The following FANCA variants were observed in gnomAD, a reference collection of about 807,000 sequenced individuals.
FANCA encodes FA complementation group A.
In FANCA, 236 loss-of-function variants were observed where a neutral mutation model predicts 194.3. The observed-to-expected ratio is 1.21, with a 90% CI of 1.09 to 1.35. The LOEUF (loss-of-function observed/expected upper bound fraction) is 1.35, where lower values mean the gene tolerates loss of function less well. Ranked by LOEUF, FANCA falls within the 40% of genes most tolerant of loss-of-function variation. The pLI is 0.00. For missense variants in FANCA, 2,628 were observed against 1,813.9 expected (o/e 1.45, Z -8.15); for synonymous variants, 1,014 against 715.8 (o/e 1.42, Z -6.65).
chr16:89,748,141 G>A (rs778122992), intron 33 of FANCA, among the ~76,000 whole-genome samples: 17 of 152,164 alleles, frequency 1.1e-4, no homozygotes, highest in Non-Finnish European at 2.2e-4. Context: ...CGAACTCCTG[G>A]GCTCAAGTGA....
intron 30 of FANCA, among the ~76,000 whole-genome samples, chr16:89,756,925 C>G (rs1432597818): frequency 6.6e-6 from 1 of 152,218 alleles, no homozygotes; most frequent in Non-Finnish European, 1.5e-5. Flanking sequence ...AAGTCAACCC[C>G]TCAGGGAAAG....
At position 89,771,716 on chromosome 16, in the gene FANCA, T is replaced by C. The variant is rs1253641520; in HGVS notation, c.2113A>G (p.Ser705Gly). The stretch of plus-strand genomic sequence containing the variant: ...GGCTCCAGTCTCGGCGTGTTGATGC[T>C]GAGCTGAATCTTTGATATCTCAACG... ...SSVEISKIQL[S>G]INTPRLEPRE... Residue 705 changes from serine (S) to glycine (G), a missense_variant, in exon 23 of 43, where the codon AGC (serine) becomes GGC (glycine). Physicochemically the swap from Ser to Gly is moderately conservative, Grantham distance 56. Transcript: ENST00000389301. The C allele has an allele frequency of 1.9e-6, 3 of 1,614,098 alleles. No homozygotes were observed. The highest frequency in any genetic ancestry group is 2.5e-6 in the Non-Finnish European group (3 of 1,180,054).
At chr16:89,814,266 C>A (rs977501111) in intron 3 of FANCA, among the ~76,000 whole-genome samples, 1 of 152,176 alleles carries the variant, frequency 6.6e-6, no homozygotes, top group African/African-American at 2.4e-5. Context: ...TGCTATGTCC[C>A]ATGTTTTTCC....
At chr16:89,750,425 G>A (rs1398695153) in intron 31 of FANCA, among the ~76,000 whole-genome samples, 1 of 151,354 alleles carries the variant, frequency 6.6e-6, no homozygotes, top group Non-Finnish European at 1.5e-5. Flanking sequence ...GGAGCTTGCA[G>A]TGAGCCCAGA....
At chr16:89,759,906 T>C (rs530603032) in intron 29 of FANCA, among the ~76,000 whole-genome samples, 79 of 151,506 alleles carry the variant, frequency 5.2e-4, no homozygotes, top group Non-Finnish European at 9.6e-4. Flanking sequence ...TGTCCGGGAC[T>C]GGGGTGCTCC....
rs1307805145 is a variant in FANCA, at chr16:89,769,891, A to T, written c.2450T>A (p.Leu817His). 9.9e-6 allele frequency: 16 copies of T among 1,613,990 alleles called. No homozygotes were observed. Among genetic ancestry groups the T allele is most frequent in the Non-Finnish European group, 1.4e-5 (16 of 1,180,014 alleles). ...APGAGLPVPA[L>H]FDSLLTCRTR... ...CCTACAGGTCAGGAGGCTGTCAAAG[A>T]GCGCAGGGACAGGAAGGCCAGCACC... Residue 817 changes from leucine (L) to histidine (H), a missense_variant, in exon 26 of 43, where the codon CTC becomes CAC. Transcript: ENST00000389301.
intron 13 of FANCA, 164 bp downstream of exon 13, chr16:89,791,763 G>T: frequency 9.8e-7 from 1 of 1,017,362 alleles, no homozygotes; most frequent in Non-Finnish European, 1.5e-6. Context: ...CAGTGCTTAT[G>T]GAAGCGTCTG....
intron 15 of FANCA, 65 bp downstream of exon 15, chr16:89,784,789 C>A: frequency 7.8e-7 from 1 of 1,274,410 alleles, no homozygotes; most frequent in Non-Finnish European, 1.1e-6. Flanking sequence ...GAGGCCAAGG[C>A]AGTCCTCAGA....
intron 29 of FANCA, among the ~76,000 whole-genome samples, chr16:89,759,928 G>C (rs3819569): frequency 0.043 from 6,299 of 145,548 alleles, 260 homozygotes; most frequent in East Asian, 0.17. Context: ...CCCACGCTGT[G>C]CGGGACCTGG....
Position 89,799,083 on chromosome 16 carries a change from G to T in FANCA, c.893+83C>A, listed in dbSNP as rs151064671. 54 of 1,614,212 alleles carry T rather than the reference G, an allele frequency of 3.3e-5. 1 individual carries two copies. Among genetic ancestry groups the T allele is most frequent in the Middle Eastern group, 1.6e-4 (1 of 6,062 alleles). On this transcript the variant is annotated intron_variant, in intron 10 of 42. Coordinates refer to ENST00000389301, the MANE Select transcript of FANCA (RefSeq NM_000135.4). ...TCAGGAGCGGGCTGCTGAAGCTCTG[G>T]AAGTGTTTAAAATATCTTGGCTCTT...
rs768830512 is a variant in FANCA at position 89,767,144 on chromosome 16, T to A, written c.2598A>T (p.Lys866Asn). 6.2e-7 allele frequency: 1 copy of A among 1,609,472 alleles called. No individual in the cohort carries two copies. Among genetic ancestry groups the A allele is most frequent in the South Asian group, 1.1e-5 (1 of 90,978 alleles). The change falls in exon 27 of 43, where the codon AAA becomes AAT. Residue 866 changes from lysine (K) to asparagine (N), a missense_variant. Lys to Asn is a moderately conservative substitution (Grantham distance 94). Coordinates refer to ENST00000389301, the MANE Select transcript of FANCA (RefSeq NM_000135.4). The stretch of plus-strand genomic sequence containing the variant: ...AATAGGAAAAGAGTGAACCTACCTT[T>A]TTAATAAGGCCTGGAGATAAGCAGC... Reference protein sequence around the residue: ...LCSCLSPGLIKKFQFLMFRLF... With the variant: ...LCSCLSPGLINKFQFLMFRLF...
In FANCA at chr16:89,738,018, C is replaced by G. The variant is rs1598045015; in HGVS notation, c.*583G>C. On this transcript the variant is annotated 3_prime_UTR_variant, in exon 43 of 43. Coordinates refer to ENST00000389301, the MANE Select transcript of FANCA (RefSeq NM_000135.4). ...TCCAGTGCAGGCAGCGGGCATCCCT[C>G]AAGTACCACATGACCAAACACAAGG... 3.7e-6 allele frequency: 6 copies of G among 1,614,164 alleles called. No homozygotes were observed. The highest frequency in any genetic ancestry group is 1.1e-5 in the South Asian group (1 of 91,088).
chr16:89,798,801 G>T (rs2040337577), intron 10 of FANCA: 2 of 1,435,664 alleles, frequency 1.4e-6, no homozygotes, highest in Middle Eastern at 2.6e-4. Flanking sequence ...AAATGTGGGG[G>T]GCTGAGAGGC....
rs1224465184 is a variant in FANCA, at chr16:89,816,638, G to A, written c.-23C>T. ...CATGGCCTTGGCGCCTACAGCCCCG[G>A]CGGCGGCTCCCTGCGCCCGAGCCCG... is the stretch of plus-strand genomic sequence containing the variant. On this transcript the variant is annotated 5_prime_UTR_variant, in exon 1 of 43. Coordinates refer to ENST00000389301, the MANE Select transcript of FANCA (RefSeq NM_000135.4). The A allele has an allele frequency of 1.3e-6, 2 of 1,516,488 alleles. No homozygotes were observed. The highest frequency in any genetic ancestry group is 2.6e-5 in the East Asian group (1 of 38,718). 93.9% of individuals were successfully genotyped at this position (1,516,488 alleles called of 1,614,324 possible).
chr16:89,766,099 C>T (rs1006530276), intron 27 of FANCA, among the ~76,000 whole-genome samples: 2 of 151,588 alleles, frequency 1.3e-5, no homozygotes, highest in African/African-American at 2.4e-5. Flanking sequence ...CTGGTTCAAG[C>T]GATTCTCCTG....
chr16:89,814,627 C>T lies in FANCA; in HGVS notation c.190-14G>A. Reference sequence around the variant, plus strand: ...TGGACCTTCTACCTAGAATCCAAAACACAACAAACTCCATTTAAAAAATTC... The same window carrying T: ...TGGACCTTCTACCTAGAATCCAAAATACAACAAACTCCATTTAAAAAATTC... On this transcript the variant is annotated splice_polypyrimidine_tract_variant and intron_variant, in intron 2 of 42. Coordinates refer to ENST00000389301, the MANE Select transcript of FANCA (RefSeq NM_000135.4). 1 of 1,590,734 alleles carries T rather than the reference C, an allele frequency of 6.3e-7. No individual in the cohort carries two copies. Among genetic ancestry groups the T allele is most frequent in the Admixed American group, 1.7e-5 (1 of 59,968 alleles).
chr16:89,801,108 G>A (rs567176278), intron 8 of FANCA, among the ~76,000 whole-genome samples: 7 of 151,178 alleles, frequency 4.6e-5, no homozygotes, highest in Non-Finnish European at 7.4e-5. Context: ...CACTTTGAGA[G>A]GCCAAGGTGG....
Position 89,775,747 on chromosome 16 carries a change from G to A in FANCA, c.1895C>T (p.Pro632Leu). 9 of 1,611,554 alleles carry A rather than the reference G, an allele frequency of 5.6e-6. No individual in the cohort carries two copies. The highest frequency in any genetic ancestry group is 7.6e-6 in the Non-Finnish European group (9 of 1,178,742). ...CAAGCGGCCCAGGAACTTACCTTCT[G>A]GCTTCTCTTCAGCAGCAGAGCAGGC... ...CQACSAAEEK[P>L]EDAALGVRAE... Residue 632 changes from proline to leucine, a missense_variant, in exon 21 of 43, where the codon CCA becomes CTA. Coordinates refer to ENST00000389301, the MANE Select transcript of FANCA (RefSeq NM_000135.4).
Position 89,738,529 on chromosome 16 carries a change from C to G in FANCA, c.*72G>C, listed in dbSNP as rs1215123045. 109 of 1,605,240 alleles carry G rather than the reference C, an allele frequency of 6.8e-5. No homozygotes were observed. The highest frequency in any genetic ancestry group is 8.9e-5 in the Non-Finnish European group (104 of 1,174,534). ...ATTTGTAATCCACTTTTTAGTGCAA[C>G]AAGAGCTCCATGTTATGCTTGTAAT... On this transcript the variant is annotated 3_prime_UTR_variant, in exon 43 of 43. Coordinates refer to ENST00000389301, the MANE Select transcript of FANCA (RefSeq NM_000135.4).
Sources: allele counts gnomAD v4.1 joint callset (sites outside exome capture counted in the v4.1 genomes callset), GRCh38; gene constraint gnomAD v4.1.1; transcripts MANE v1.5; gene names NCBI Gene and HGNC (gene_info 2026-07-23, HGNC 2026-07-21).